Variants in CYB5RL observed in about 807,000 individuals in gnomAD.
CYB5RL encodes cytochrome b5 reductase like.
Under a neutral mutation model 37.5 loss-of-function variants are expected in CYB5RL, and 38 were observed. The observed-to-expected ratio is 1.01, with a 90% confidence interval of 0.78 to 1.33. CYB5RL has a LOEUF of 1.33. Among genes scored for constraint, CYB5RL ranks in the 40% most tolerant of loss-of-function variants. The pLI is 0.00. For missense variants in CYB5RL, 388 were observed against 394.4 expected, an observed-to-expected ratio of 0.98 and a Z score of 0.14; for synonymous variants, 141 against 151.9, an observed-to-expected ratio of 0.93 and a Z score of 0.53.
At chr1:54,189,182 C>CA in intron 4 of CYB5RL, among the ~76,000 whole-genome samples, 1 of 121,234 alleles carries the variant, frequency 8.2e-6, no homozygotes, top group Admixed American at 8.8e-5. Context: ...GACTCTGTCT[C>CA]AAAAAATATA....
Position 54,199,981 on chromosome 1 carries a change from C to T in CYB5RL, c.-228G>A, listed in dbSNP as rs1212097229. On this transcript the variant is annotated 5_prime_UTR_variant, in exon 1 of 8. Transcript: ENST00000534324. ...CACCCACCACGACCACTCACCTACT[C>T]GCCTGCGCTTCACCTCACGTGAGGA... The T allele has an allele frequency of 5.9e-6, 3 of 512,634 alleles. No individual in the cohort carries two copies. The highest frequency in any genetic ancestry group is 1.0e-5 in the Non-Finnish European group (3 of 290,824). 31.8% of individuals were successfully genotyped at this position (512,634 alleles called of 1,614,324 possible).
Position 54,171,071 on chromosome 1 carries a change from A to G in CYB5RL, c.*3548T>C, listed in dbSNP as rs2100449297. The G allele has an allele frequency of 2.2e-6, 1 of 451,626 alleles. No individual in the cohort carries two copies. Among genetic ancestry groups the G allele is most frequent in the East Asian group, 7.0e-5 (1 of 14,286 alleles). The allele number at this position is 451,626 out of a possible 1,614,324, so 28.0% of individuals were successfully genotyped here. ...GACACTTATGGGTACAGCGACAGAA[A>G]AGCACACAAGCCTCTCTGCTCACTG... On this transcript the variant is annotated 3_prime_UTR_variant, in exon 8 of 8. Transcript: ENST00000534324.
At position 54,179,231 on chromosome 1, in the gene CYB5RL, G is replaced by A. The variant is rs777938110; in HGVS notation, c.662C>T (p.Thr221Ile). The A allele has an allele frequency of 2.5e-6, 4 of 1,613,768 alleles. No individual in the cohort carries two copies. The highest frequency in any genetic ancestry group is 1.1e-5 in the South Asian group (1 of 90,968). Residue 221 changes from threonine to isoleucine, a missense_variant, in exon 7 of 8, where the codon ACC becomes ATC. Physicochemically the swap from Thr to Ile is moderately conservative, Grantham distance 89. Coordinates refer to ENST00000534324, the MANE Select transcript of CYB5RL (RefSeq NM_001031672.4). ...TFVTLVGCFK[T>I]FESIYLKTFL... ...GGTTTTCAGGTAGATGCTCTCAAAG[G>A]TCTTGAAGCAACCGACCAGAGTGAC...
At chr1:54,181,842 A>G (rs1464223509) in intron 6 of CYB5RL, among the ~76,000 whole-genome samples, 1 of 152,218 alleles carries the variant, frequency 6.6e-6, no homozygotes, top group Non-Finnish European at 1.5e-5. Context: ...AGTCCCAGCT[A>G]CTTGGGAGGC....
intron 7 of CYB5RL, 72 bp from the exon 8 acceptor site, chr1:54,174,894 C>T: frequency 6.6e-7 from 1 of 1,508,878 alleles, no homozygotes; most frequent in South Asian, 1.2e-5. Flanking sequence ...AGCCAGCTCT[C>T]CTCTGCAAAA....
intron 4 of CYB5RL, among the ~76,000 whole-genome samples, chr1:54,189,312 T>G (rs777853405): frequency 1.3e-5 from 2 of 152,106 alleles, no homozygotes; most frequent in Non-Finnish European, 2.9e-5. Flanking sequence ...CTGGTATGTT[T>G]TAGAGGGAGT....
Position 54,190,882 on chromosome 1 carries a change from C to T in CYB5RL, c.213G>A (p.Lys71=), listed in dbSNP as rs767358017. ...AGGCCACGAAGGTCTCTGGGTTCAG[C>T]TTGGAGGGGCAGCTCTGCAACAGGA... ...RGPESQSCPS[K]LNPETFVAFC... Residue 71 remains lysine (K), a synonymous_variant, in exon 4 of 8, where the codon AAG becomes AAA. Coordinates refer to ENST00000534324, the MANE Select transcript of CYB5RL (RefSeq NM_001031672.4). The T allele has an allele frequency of 6.2e-7, 1 of 1,611,846 alleles. No individual in the cohort carries two copies. Among genetic ancestry groups the T allele is most frequent in the East Asian group, 2.2e-5 (1 of 44,844 alleles).
At chr1:54,183,038 C>A (rs989666631) in intron 6 of CYB5RL, among the ~76,000 whole-genome samples, 1 of 152,170 alleles carries the variant, frequency 6.6e-6, no homozygotes, top group Non-Finnish European at 1.5e-5. Flanking sequence ...GAGCTGCTAA[C>A]ATTTCATTGC....
At chr1:54,185,152 A>C (rs1660259403) in intron 5 of CYB5RL, 2 of 152,264 alleles carry the variant, frequency 1.3e-5, no homozygotes, top group South Asian at 4.1e-4. Flanking sequence ...TACAATCTAG[A>C]AGGGACCTAA....
rs374759352 is a variant in CYB5RL, at chr1:54,190,865, A to C, written c.230T>G (p.Phe77Cys). The change falls in exon 4 of 8, where the codon TTC (phenylalanine) becomes TGC (cysteine). Residue 77 changes from phenylalanine (F) to cysteine (C), a missense_variant. Physicochemically the swap from Phe to Cys is radical, Grantham distance 205 (BLOSUM62 -2). Transcript: ENST00000534324. ...SCPSKLNPETFVAFCIIAMDR... is the reference protein window; with the variant it reads ...SCPSKLNPETCVAFCIIAMDR... Reference sequence around the variant, plus strand: ...CATGGCAATGATGCAGAAGGCCACGAAGGTCTCTGGGTTCAGCTTGGAGGG... The same window carrying C: ...CATGGCAATGATGCAGAAGGCCACGCAGGTCTCTGGGTTCAGCTTGGAGGG... 1.1e-5 allele frequency: 18 copies of C among 1,611,624 alleles called. No individual in the cohort carries two copies. The highest frequency in any genetic ancestry group is 1.7e-5 in the Admixed American group (1 of 59,704).
intron 2 of CYB5RL, among the ~76,000 whole-genome samples, 193 bp from the exon 3 acceptor site, chr1:54,195,908 A>G (rs1241277926): frequency 6.6e-6 from 1 of 152,228 alleles, no homozygotes; most frequent in Non-Finnish European, 1.5e-5. Flanking sequence ...TGTGAAGTGA[A>G]TCTTTCTTTA....
At chr1:54,195,971 T>C (rs1644004401) in intron 2 of CYB5RL, among the ~76,000 whole-genome samples, 1 of 152,220 alleles carries the variant, frequency 6.6e-6, no homozygotes, top group South Asian at 2.1e-4. Flanking sequence ...TCATAAGCTC[T>C]ATGACTTCAG....
intron 7 of CYB5RL, among the ~76,000 whole-genome samples, 193 bp from the exon 8 acceptor site, chr1:54,175,015 C>T (rs1478790959): frequency 1.3e-5 from 2 of 152,080 alleles, no homozygotes; most frequent in Non-Finnish European, 2.9e-5. Context: ...ATCACCCTCC[C>T]ACGACAGCAG....
chr1:54,198,146 A>G (rs771386712), intron 1 of CYB5RL, among the ~76,000 whole-genome samples: 2 of 151,746 alleles, frequency 1.3e-5, no homozygotes, highest in Non-Finnish European at 2.9e-5. Context: ...GTTTACAGAT[A>G]CAATCTGGGA....
At position 54,199,958 on chromosome 1, in the gene CYB5RL, C is replaced by T; in HGVS notation, c.-223+18G>A. 1 of 461,854 alleles carries T rather than the reference C, an allele frequency of 2.2e-6. No individual in the cohort carries two copies. The highest frequency in any genetic ancestry group is 3.5e-5 in the South Asian group (1 of 28,940). 28.6% of individuals were successfully genotyped at this position (461,854 alleles called of 1,614,324 possible). ...TCTGAAGTCCTGGAGCGATTCTCCA[C>T]CCACCACGACCACTCACCTACTCGC... On this transcript the variant is annotated intron_variant, in intron 1 of 7. Coordinates refer to ENST00000534324, the MANE Select transcript of CYB5RL (RefSeq NM_001031672.4).
intron 7 of CYB5RL, 90 bp from the exon 8 acceptor site, chr1:54,174,912 A>T: frequency 7.1e-7 from 1 of 1,401,636 alleles, no homozygotes; most frequent in African/African-American, 1.4e-5. Context: ...AAATGAGGAA[A>T]CCAAGGCAGA....
At chr1:54,196,310 C>T (rs1644007263) in intron 2 of CYB5RL, 59 bp downstream of exon 2, 1 of 152,330 alleles carries the variant, frequency 6.6e-6, no homozygotes, top group Non-Finnish European at 1.5e-5. Context: ...GCCTCAGTCT[C>T]CCGAGTAGCT....
chr1:54,198,067 T>C (rs960573087), intron 1 of CYB5RL, among the ~76,000 whole-genome samples: 10 of 146,910 alleles, frequency 6.8e-5, no homozygotes, highest in African/African-American at 2.3e-4. Flanking sequence ...GGGTGGTATC[T>C]TATTCTTTCT....
At chr1:54,196,139 C>A (rs1644005740) in intron 2 of CYB5RL, among the ~76,000 whole-genome samples, 1 of 152,214 alleles carries the variant, frequency 6.6e-6, no homozygotes, top group Non-Finnish European at 1.5e-5. Context: ...TGAGTGCCAG[C>A]TGACACTTTA....
Sources: allele counts gnomAD v4.1 joint callset (sites outside exome capture counted in the v4.1 genomes callset), GRCh38; gene constraint gnomAD v4.1.1; transcripts MANE v1.5; gene names NCBI Gene and HGNC (gene_info 2026-07-23, HGNC 2026-07-21).